CACNA1H: variants seen among roughly 807,000 people sequenced by gnomAD.
The protein encoded by CACNA1H is calcium voltage-gated channel subunit alpha1 H, also known as voltage-dependent T-type calcium channel subunit alpha-1H.
In CACNA1H, 149 loss-of-function variants were observed where a neutral mutation model predicts 192.5. That is an observed-to-expected ratio of 0.77 (90% CI 0.68 to 0.89). CACNA1H has a LOEUF of 0.89. Among genes scored for constraint, CACNA1H ranks in the 40% least tolerant of loss-of-function variants. CACNA1H has a pLI of 0.00. For missense variants in CACNA1H, 4,257 were observed against 3,423.5 expected (o/e 1.24, Z -6.08); for synonymous variants, 2,202 against 1,475.2 (o/e 1.49, Z -11.29).
chr16:1,216,896 G>T (rs764567287), intron 30 of CACNA1H, 36 bp from the exon 31 acceptor site: 4 of 1,552,766 alleles, frequency 2.6e-6, no homozygotes, highest in African/African-American at 2.7e-5. Context: ...CTCCCTGCCC[G>T]CCCGTCTGAC....
chr16:1,179,362 C>A (rs1965233660), intron 2 of CACNA1H, among the ~76,000 whole-genome samples: 2 of 152,050 alleles, frequency 1.3e-5, no homozygotes, highest in African/African-American at 4.8e-5. Context: ...GATTGGGGGC[C>A]CCCCCATGGA....
In CACNA1H at chr16:1,207,868, T is replaced by C. The variant is rs1169404335; in HGVS notation, c.3154+8T>C. 1 of 1,581,856 alleles carries C rather than the reference T, an allele frequency of 6.3e-7. No homozygotes were observed. The highest frequency in any genetic ancestry group is 8.6e-7 in the Non-Finnish European group (1 of 1,164,584). On this transcript the variant is annotated splice_region_variant and intron_variant, in intron 15 of 34. Transcript: ENST00000348261. ...GAGAACTCCAGACCACAGGTGCGTG[T>C]GGTCGGTGGGTGGTCCGGGTTCTGG...
chr16:1,203,718 A>G (rs1168666446), intron 9 of CACNA1H, among the ~76,000 whole-genome samples: 1 of 152,134 alleles, frequency 6.6e-6, no homozygotes, highest in African/African-American at 2.4e-5. Context: ...GCTTGTCGAC[A>G]CGTCCCTGCG....
chr16:1,211,434 G>T (rs1330834789), intron 22 of CACNA1H, 47 bp from the exon 23 acceptor site: 3 of 1,611,108 alleles, frequency 1.9e-6, no homozygotes, highest in Non-Finnish European at 2.5e-6. Flanking sequence ...CCGGTGTGGG[G>T]TGGGGCACAG....
rs1303625656 is a variant in CACNA1H at position 1,175,458 on chromosome 16, G to A, written c.300-19514G>A. ...CAGGACTCCCCACTGCTGTGTCGTC[G>A]CTCCTGCTGGGCCCTGGCCTGGGCT... On this transcript the variant is annotated intron_variant, in intron 2 of 34. Transcript: ENST00000348261. Among the ~76,000 whole-genome samples the A allele has an allele frequency of 3.9e-5, 6 of 152,224 alleles. No homozygotes were observed. In the East Asian group the frequency reaches 5.8e-4, roughly 15 times the overall value.
At position 1,153,961 on chromosome 16, in the gene CACNA1H, T is replaced by A; in HGVS notation, c.224T>A (p.Leu75Ter). Residue 75 changes from leucine (L) to a stop codon, truncating the protein, a stop_gained, in exon 2 of 35, where the codon TTG becomes TAG. Coordinates refer to ENST00000348261, the MANE Select transcript of CACNA1H (RefSeq NM_021098.3). LOFTEE classifies it high-confidence loss of function. The stretch of plus-strand genomic sequence containing the variant: ...GAGCAGCGCGTCCCGTACCCGGCCT[T>A]GGCGGCCACGGTCTTCTTCTGCCTC... Reference protein sequence around the residue: ...DEEQRVPYPALAATVFFCLGQ... With the variant: ...DEEQRVPYPA 1 of 1,449,020 alleles carries A rather than the reference T, an allele frequency of 6.9e-7. No individual in the cohort carries two copies. The highest frequency in any genetic ancestry group is 9.1e-7 in the Non-Finnish European group (1 of 1,100,980). 89.8% of individuals were successfully genotyped at this position (1,449,020 alleles called of 1,614,324 possible). A position where few individuals can be genotyped will look rare whatever the true frequency, so the allele number is the denominator to read the frequency against.
chr16:1,198,799 G>GC (rs1967318441), intron 6 of CACNA1H, 25 bp downstream of exon 6: 3 of 1,595,634 alleles, frequency 1.9e-6, no homozygotes, highest in Middle Eastern at 1.7e-4. Flanking sequence ...CCCCCGTGAG[G>GC]CCCCTGCCCA....
Position 1,204,072 on chromosome 16 carries a change from C to T in CACNA1H, c.2065C>T (p.Pro689Ser), listed in dbSNP as rs1224150961. ...TGTGCCCTGCCCCCTGCCCAGCCCC[C>T]CAGCGGGCACACTGACCTGTGAGCT... ...LSVPCPLPSP[P>S]AGTLTCELKS... The change falls in exon 10 of 35, where the codon CCA becomes TCA. Residue 689 changes from proline (P) to serine (S), a missense_variant. Coordinates refer to ENST00000348261, the MANE Select transcript of CACNA1H (RefSeq NM_021098.3). The T allele has an allele frequency of 3.1e-6, 5 of 1,603,316 alleles. No individual in the cohort carries two copies. The Admixed American group carries it at 6.8e-5, about 22-fold the overall frequency.
In CACNA1H at chr16:1,172,789, C is replaced by T. The variant is rs568715761; in HGVS notation, c.299+18753C>T. 1.9e-3 allele frequency among the ~76,000 whole-genome samples: 293 copies of T among 152,150 alleles called. 1 individual carries two copies. Among genetic ancestry groups the T allele is most frequent in the African/African-American group, 6.7e-3 (277 of 41,520 alleles). On this transcript the variant is annotated intron_variant, in intron 2 of 34. Transcript: ENST00000348261. Reference sequence around the variant, plus strand: ...AGTGGGCTGCTGCTGCCTGGGTGCCCCCGAGGGCTCCTGTCCAGGCCCAGG... The same window carrying T: ...AGTGGGCTGCTGCTGCCTGGGTGCCTCCGAGGGCTCCTGTCCAGGCCCAGG...
At position 1,210,879 on chromosome 16, in the gene CACNA1H, G is replaced by A; in HGVS notation, c.4131G>A (p.Val1377=). 6.2e-7 allele frequency: 1 copy of A among 1,605,442 alleles called. No individual in the cohort carries two copies. The highest frequency in any genetic ancestry group is 8.5e-7 in the Non-Finnish European group (1 of 1,179,724). Reference sequence around the variant, plus strand: ...GGCTGCTGGTGCTGGTGTCCCTGGTGGACATTGTCGTGGCCATGGCCTCGG... The same window carrying A: ...GGCTGCTGGTGCTGGTGTCCCTGGTAGACATTGTCGTGGCCATGGCCTCGG... ...LDGLLVLVSL[V]DIVVAMASAG... Residue 1377 remains valine (V), a synonymous_variant, in exon 21 of 35, where the codon GTG becomes GTA. Coordinates refer to ENST00000348261, the MANE Select transcript of CACNA1H (RefSeq NM_021098.3).
intron 5 of CACNA1H, 69 bp from the exon 6 acceptor site, chr16:1,198,546 G>A (rs1183776988): frequency 1.4e-5 from 22 of 1,551,024 alleles, no homozygotes; most frequent in Non-Finnish European, 1.9e-5. Context: ...GGGGTCCCGG[G>A]AGGGGCTGCA....
intron 6 of CACNA1H, among the ~76,000 whole-genome samples, chr16:1,199,773 C>A (rs888389140): frequency 2.0e-5 from 3 of 151,506 alleles, no homozygotes; most frequent in Admixed American, 1.3e-4. Context: ...TCAGCCCTCA[C>A]CCCTGGATCC....
intron 2 of CACNA1H, among the ~76,000 whole-genome samples, chr16:1,168,892 C>A (rs998680504): frequency 3.9e-5 from 6 of 152,076 alleles, no homozygotes; most frequent in African/African-American, 1.4e-4. Context: ...CAGGGGGTGC[C>A]CCGCTCTGAA....
chr16:1,168,146 G>A (rs527444587), intron 2 of CACNA1H, among the ~76,000 whole-genome samples: 11 of 152,184 alleles, frequency 7.2e-5, no homozygotes, highest in South Asian at 2.1e-4. Context: ...AGACCAGGGC[G>A]GCCTCTGGTG....
At chr16:1,201,222 C>T (rs530224805) in intron 8 of CACNA1H, among the ~76,000 whole-genome samples, 59 of 152,242 alleles carry the variant, frequency 3.9e-4, no homozygotes, top group Middle Eastern at 3.4e-3. Flanking sequence ...CTGCGGGGAC[C>T]TAGTAGGTAA....
chr16:1,203,800 C>T (rs921049897), intron 9 of CACNA1H, among the ~76,000 whole-genome samples: 1 of 152,194 alleles, frequency 6.6e-6, no homozygotes. Context: ...CCTCCCTACT[C>T]CGGGATAGCT....
intron 2 of CACNA1H, among the ~76,000 whole-genome samples, chr16:1,186,518 C>T (rs1051446456): frequency 2.0e-5 from 3 of 152,092 alleles, no homozygotes; most frequent in Admixed American, 6.5e-5. Context: ...TCCCTCTCCA[C>T]GGCGTTCTCA....
At chr16:1,155,890 C>G (rs1201634800) in intron 2 of CACNA1H, among the ~76,000 whole-genome samples, 8 of 152,108 alleles carry the variant, frequency 5.3e-5, no homozygotes, top group Middle Eastern at 3.2e-3. Flanking sequence ...CAAGCGCTGT[C>G]CCCCGGTGTC....
At chr16:1,157,120 C>T (rs1040264146) in intron 2 of CACNA1H, 1 of 152,224 alleles carries the variant, frequency 6.6e-6, no homozygotes, top group African/African-American at 2.4e-5. Context: ...CTGCCGCCGT[C>T]CCGGCACACG....
Sources: gnomAD v4.1 joint callset for allele counts (sites outside exome capture counted in the v4.1 genomes callset) on GRCh38, gnomAD v4.1.1 for gene constraint, MANE v1.5 for transcripts, NCBI Gene and HGNC (gene_info 2026-07-23, HGNC 2026-07-21) for gene names.